Variants in ELAC1 observed in about 807,000 individuals in gnomAD.
The protein encoded by ELAC1 is elaC ribonuclease Z 1.
A neutral mutation model predicts 25.8 loss-of-function variants in ELAC1; 19 were observed. That is an observed-to-expected ratio of 0.74 (90% CI 0.51 to 1.08). ELAC1 has a LOEUF of 1.08. Among genes scored for constraint, ELAC1 ranks in the 50% least tolerant of loss-of-function variants. The pLI is 0.00. For synonymous variants in ELAC1, 148 were observed against 160.9 expected, an observed-to-expected ratio of 0.92 and a Z score of 0.61; for missense variants, 403 against 434.6, an observed-to-expected ratio of 0.93 and a Z score of 0.65.
chr18:50,982,304 C>T (rs534104560), intron 2 of ELAC1, among the ~76,000 whole-genome samples: 4 of 152,230 alleles, frequency 2.6e-5, no homozygotes, highest in African/African-American at 9.6e-5. Flanking sequence ...CCTGGGGATT[C>T]GCAAAGTCCA....
chr18:50,981,068 TA>T (rs1395191523), intron 2 of ELAC1, among the ~76,000 whole-genome samples: 1 of 151,872 alleles, frequency 6.6e-6, no homozygotes, highest in African/African-American at 2.4e-5. Context: ...GGTAACTAAT[TA>T]TCCCTCACCA....
At chr18:50,968,921 A>T (rs895043338) in intron 1 of ELAC1, 4 of 152,236 alleles carry the variant, frequency 2.6e-5, no homozygotes, top group African/African-American at 9.6e-5. Context: ...TGAAAATTGA[A>T]TAGTAACTGA....
chr18:50,983,425 A>G (rs897959504), intron 2 of ELAC1, among the ~76,000 whole-genome samples: 15 of 152,138 alleles, frequency 9.9e-5, no homozygotes, highest in Admixed American at 3.9e-4. Flanking sequence ...TCGGTCTCCC[A>G]AAGTGCTGGG....
In ELAC1 at chr18:50,984,105, C is replaced by G; in HGVS notation, c.167C>G (p.Thr56Ser). ...MKSQLKAGRI[T>S]KIFITHLHGD... is the part of the protein sequence containing the mutation. The stretch of plus-strand genomic sequence containing the variant: ...CTATCTCAATCAAAAGGGAGAATTA[C>G]CAAGATCTTCATCACACACCTTCAT... The change falls in exon 3 of 4, where the codon ACC (threonine) becomes AGC (serine). Residue 56 changes from threonine (T) to serine (S), a missense_variant. Thr to Ser is a moderately conservative substitution (Grantham distance 58). Transcript: ENST00000269466. 6.3e-7 allele frequency: 1 copy of G among 1,576,880 alleles called. No individual in the cohort carries two copies. Among genetic ancestry groups the G allele is most frequent in the Non-Finnish European group, 8.6e-7 (1 of 1,163,402 alleles).
chr18:50,972,497 G>C (rs1302690500), intron 1 of ELAC1, among the ~76,000 whole-genome samples: 1 of 151,620 alleles, frequency 6.6e-6, no homozygotes, highest in Non-Finnish European at 1.5e-5. Context: ...GTATGTATTT[G>C]TTGAGACAGA....
At chr18:50,976,020 A>G (rs920587754) in intron 2 of ELAC1, among the ~76,000 whole-genome samples, 3 of 152,198 alleles carry the variant, frequency 2.0e-5, no homozygotes, top group Admixed American at 2.0e-4. Context: ...AAGAACTGGC[A>G]TGTTGGGGAG....
At chr18:50,985,476 C>T (rs554661586) in intron 3 of ELAC1, among the ~76,000 whole-genome samples, 3 of 152,354 alleles carry the variant, frequency 2.0e-5, no homozygotes, top group Admixed American at 2.0e-4. Context: ...CTATGCTAAG[C>T]GCTAAGCCAG....
intron 3 of ELAC1, chr18:50,984,825 G>C (rs926046096): frequency 5.7e-6 from 3 of 524,470 alleles, no homozygotes; most frequent in African/African-American, 1.9e-5. Context: ...CCAGCTACTT[G>C]GGGGGCTGAG....
intron 2 of ELAC1, among the ~76,000 whole-genome samples, chr18:50,978,735 A>C (rs1174804163): frequency 1.3e-5 from 2 of 152,224 alleles, no homozygotes; most frequent in African/African-American, 4.8e-5. Context: ...AGATACTTGT[A>C]GAAATAAGAG....
At position 50,974,508 on chromosome 18, in the gene ELAC1, T is replaced by A. The variant is rs2144310438; in HGVS notation, c.104T>A (p.Phe35Tyr). Residue 35 changes from phenylalanine to tyrosine, a missense_variant, in exon 2 of 4, where the codon TTT becomes TAT. Physicochemically the swap from Phe to Tyr is conservative, Grantham distance 22. Coordinates refer to ENST00000269466, the MANE Select transcript of ELAC1 (RefSeq NM_018696.3). ...CGGTGTGAAGGCGAGTGCTGGCTCTTTGACTGTGGGGAGGGAACACAGACA... is the reference window on the plus strand; with the variant it reads ...CGGTGTGAAGGCGAGTGCTGGCTCTATGACTGTGGGGAGGGAACACAGACA... ...VLRCEGECWL[F>Y]DCGEGTQTQL... 1 of 1,613,294 alleles carries A rather than the reference T, an allele frequency of 6.2e-7. No homozygotes were observed. The highest frequency in any genetic ancestry group is 8.5e-7 in the Non-Finnish European group (1 of 1,179,660).
At chr18:50,985,319 T>G (rs1219866606) in intron 3 of ELAC1, among the ~76,000 whole-genome samples, 1 of 152,254 alleles carries the variant, frequency 6.6e-6, no homozygotes, top group Non-Finnish European at 1.5e-5. Flanking sequence ...CTTCTGTATC[T>G]ACTTTGCTTA....
chr18:50,972,634 C>T (rs1268718368), intron 1 of ELAC1, among the ~76,000 whole-genome samples: 2 of 152,084 alleles, frequency 1.3e-5, no homozygotes, highest in African/African-American at 4.8e-5. Context: ...AGGTGTGCGC[C>T]AGCATGCACG....
At chr18:50,981,680 G>A (rs1907952023) in intron 2 of ELAC1, among the ~76,000 whole-genome samples, 1 of 152,112 alleles carries the variant, frequency 6.6e-6, no homozygotes, top group Non-Finnish European at 1.5e-5. Context: ...TGTGATAACT[G>A]TAGGAAGCAG....
intron 1 of ELAC1, among the ~76,000 whole-genome samples, chr18:50,972,616 G>A (rs1368726154): frequency 6.6e-6 from 1 of 152,130 alleles, no homozygotes; most frequent in Non-Finnish European, 1.5e-5. Flanking sequence ...TGAAGTAGCT[G>A]GGACTACAGG....
intron 1 of ELAC1, among the ~76,000 whole-genome samples, chr18:50,971,173 C>T (rs1907640750): frequency 6.6e-6 from 1 of 152,062 alleles, no homozygotes; most frequent in Admixed American, 6.6e-5. Context: ...GGGTAGATTA[C>T]CAAAAATGGG....
chr18:50,985,051 A>G (rs1015353181), intron 3 of ELAC1, among the ~76,000 whole-genome samples: 1 of 152,190 alleles, frequency 6.6e-6, no homozygotes, highest in African/African-American at 2.4e-5. Flanking sequence ...ATGGGGCCAA[A>G]AAATGCTATT....
Position 50,983,874 on chromosome 18 carries a change from A to T in ELAC1, c.158-222A>T, listed in dbSNP as rs573973437. ...TCTCTTTAAAAAAAAAAAAACTATTAAAAACAAACAAACAAAAAACCACCT... is the reference window on the plus strand; with the variant it reads ...TCTCTTTAAAAAAAAAAAAACTATTTAAAACAAACAAACAAAAAACCACCT... On this transcript the variant is annotated intron_variant, in intron 2 of 3. Coordinates refer to ENST00000269466, the MANE Select transcript of ELAC1 (RefSeq NM_018696.3). Among the ~76,000 whole-genome samples the T allele has an allele frequency of 5.9e-5, 9 of 152,072 alleles. No homozygotes were observed. The South Asian group carries it at 1.2e-3, about 21-fold the overall frequency.
At chr18:50,981,243 A>G (rs1297695608) in intron 2 of ELAC1, among the ~76,000 whole-genome samples, 1 of 152,208 alleles carries the variant, frequency 6.6e-6, no homozygotes, top group African/African-American at 2.4e-5. Context: ...AAAAATTCAA[A>G]CAAAAGAGAA....
intron 3 of ELAC1, chr18:50,984,881 A>G: frequency 2.2e-6 from 1 of 445,730 alleles, no homozygotes; most frequent in African/African-American, 2.0e-5. Flanking sequence ...GCAGTAAGCC[A>G]AGATAGTGTT....
Sources: allele counts gnomAD v4.1 joint callset (sites outside exome capture counted in the v4.1 genomes callset), GRCh38; gene constraint gnomAD v4.1.1; transcripts MANE v1.5; gene names NCBI Gene and HGNC (gene_info 2026-07-23, HGNC 2026-07-21).